RP1L1: variants seen among roughly 807,000 people sequenced by gnomAD.
The protein encoded by RP1L1 is retinitis pigmentosa 1-like 1 protein.
RP1L1 carries 27 observed loss-of-function variants against 15.7 expected under a neutral mutation model. The observed-to-expected ratio is 1.72, with a 90% CI of 1.27 to 2.38. The LOEUF (loss-of-function observed/expected upper bound fraction) is 2.38. RP1L1 is among the 30% of genes most tolerant of loss of function. The probability of loss-of-function intolerance (pLI) is 0.00; values close to 1 mark genes in which losing one functional copy is unlikely to be tolerated. For synonymous variants in RP1L1, 1,813 were observed against 1,276.7 expected (o/e 1.42, Z -8.96); for missense variants, 4,798 against 3,075.9 (o/e 1.56, Z -13.24).
chr8:10,631,372 CACACAA>C (rs1240098165), intron 1 of RP1L1, among the ~76,000 whole-genome samples: 1 of 38,126 alleles, frequency 2.6e-5, no homozygotes, highest in African/African-American at 9.0e-5. Context: ...AACACACATG[CACACAA>C]ACACACATGC....
chr8:10,612,454 C>A lies in RP1L1; in HGVS notation c.1644G>T (p.Trp548Cys). ...CTGGACAGCCCTGGGGCCGCCCACC[C>A]CATTCGCTGGATCCCTCATGAGAGC... ...STGSHEGSSE[W>C]GGRPQGCPGK... Residue 548 changes from tryptophan to cysteine, a missense_variant, in exon 4 of 4, where the codon TGG (tryptophan) becomes TGT (cysteine). Trp to Cys is a radical substitution (Grantham distance 215). Transcript: ENST00000382483. 6.2e-7 allele frequency: 1 copy of A among 1,612,758 alleles called. No individual in the cohort carries two copies. The highest frequency in any genetic ancestry group is 8.5e-7 in the Non-Finnish European group (1 of 1,180,008).
At position 10,609,751 on chromosome 8, in the gene RP1L1, T is replaced by C. The variant is rs1247488076; in HGVS notation, c.4347A>G (p.Glu1449=). 1 of 1,613,456 alleles carries C rather than the reference T, an allele frequency of 6.2e-7. No individual in the cohort carries two copies. Among genetic ancestry groups the C allele is most frequent in the African/African-American group, 1.3e-5 (1 of 74,990 alleles). The change falls in exon 4 of 4, where the codon GAA becomes GAG. Residue 1449 remains glutamate (E), a synonymous_variant. Coordinates refer to ENST00000382483, the MANE Select transcript of RP1L1 (RefSeq NM_178857.6). ...AEPCPAEGTE[E]PTEPPSHLSE... ...TGAGATGACTAGGGGGCTCTGTGGG[T>C]TCCTCTGTGCCCTCTGCGGGGCACG...
At chr8:10,631,370 TGCACACAAACACACATGCACACACAC>T (rs1434880693) in intron 1 of RP1L1, among the ~76,000 whole-genome samples, 1 of 21,758 alleles carries the variant, frequency 4.6e-5, no homozygotes, top group African/African-American at 1.7e-4. Context: ...CAAACACACA[TGCACACAAACACACATGCACACACAC>T]GCACACACAC....
intron 2 of RP1L1, among the ~76,000 whole-genome samples, chr8:10,620,570 C>A (rs975130103): frequency 7.9e-5 from 12 of 152,124 alleles, no homozygotes; most frequent in African/African-American, 2.9e-4. Flanking sequence ...CGCGCCACTG[C>A]ACCCCAGCCT....
intron 1 of RP1L1, among the ~76,000 whole-genome samples, chr8:10,646,876 G>A (rs953620779): frequency 3.9e-5 from 6 of 152,234 alleles, no homozygotes; most frequent in Admixed American, 6.5e-5. Flanking sequence ...AAGGCCTATT[G>A]TGTGTCCCCA....
intron 1 of RP1L1, among the ~76,000 whole-genome samples, chr8:10,636,516 C>T (rs1288623239): frequency 2.6e-5 from 4 of 152,192 alleles, no homozygotes; most frequent in African/African-American, 9.6e-5. Context: ...CCGCCTTCTT[C>T]CCTTCCCCCT....
At chr8:10,626,960 C>G (rs1440988283) in intron 1 of RP1L1, among the ~76,000 whole-genome samples, 2 of 152,090 alleles carry the variant, frequency 1.3e-5, no homozygotes, top group African/African-American at 4.8e-5. Context: ...CCACCTCACA[C>G]CATTAGAACG....
At chr8:10,618,954 G>A (rs1265248013) in intron 2 of RP1L1, among the ~76,000 whole-genome samples, 6 of 152,038 alleles carry the variant, frequency 3.9e-5, no homozygotes, top group African/African-American at 9.7e-5. Flanking sequence ...AGGTTCAACC[G>A]CCACCTCCCA....
intron 1 of RP1L1, among the ~76,000 whole-genome samples, chr8:10,652,371 C>A (rs60580119): frequency 0.028 from 4,209 of 152,260 alleles, 179 homozygotes; most frequent in African/African-American, 0.096. Context: ...GGGTTGGGGG[C>A]CTCCTCAGAA....
intron 1 of RP1L1, among the ~76,000 whole-genome samples, chr8:10,651,782 T>C (rs1339428080): frequency 2.0e-5 from 3 of 149,018 alleles, no homozygotes; most frequent in Admixed American, 2.0e-4. Flanking sequence ...AAAAAAGTTA[T>C]GCTCAGAGCT....
chr8:10,607,075 G>C lies in RP1L1; in HGVS notation c.7023C>G (p.Thr2341=). Residue 2341 remains threonine (T), a synonymous_variant, in exon 4 of 4, where the codon ACC becomes ACG. Transcript: ENST00000382483. ...AAGTAGAACTTTCTGGGTACATCCTGGTGGCCTTCCTCTCTGCATGAGGGG... is the reference window on the plus strand; with the variant it reads ...AAGTAGAACTTTCTGGGTACATCCTCGTGGCCTTCCTCTCTGCATGAGGGG... ...TGTPHAERKA[T]RMYPESSTSE... The C allele has an allele frequency of 6.2e-7, 1 of 1,614,156 alleles. No homozygotes were observed.
chr8:10,616,652 G>C (rs1325547712), intron 2 of RP1L1, 65 bp from the exon 3 acceptor site: 5 of 1,529,078 alleles, frequency 3.3e-6, no homozygotes, highest in African/African-American at 1.4e-5. Flanking sequence ...CTGAGGCCTG[G>C]GGGAGGAAGG....
chr8:10,611,391 G>A lies in RP1L1; in HGVS notation c.2707C>T (p.Pro903Ser). Residue 903 changes from proline to serine, a missense_variant, in exon 4 of 4, where the codon CCC (proline) becomes TCC (serine). Physicochemically the swap from Pro to Ser is moderately conservative, Grantham distance 74 (BLOSUM62 -1). Coordinates refer to ENST00000382483, the MANE Select transcript of RP1L1 (RefSeq NM_178857.6). ...RQPGPTPSPG[P>S]NSGASRRSSA... ...CTTCTCCTTGATGCCCCTGAATTGG[G>A]GCCTGGGGACGGCGTGGGGCCTGGC... The A allele has an allele frequency of 6.2e-7, 1 of 1,606,486 alleles. No homozygotes were observed. Among genetic ancestry groups the A allele is most frequent in the Non-Finnish European group, 8.5e-7 (1 of 1,177,988 alleles).
rs747367272 is a variant in RP1L1, at chr8:10,609,372, GCT to G, written c.4724_4725del (p.Glu1575AlafsTer10). 6.8e-6 allele frequency: 11 copies of G among 1,612,404 alleles called. No individual in the cohort carries two copies. Among genetic ancestry groups the G allele is most frequent in the African/African-American group, 1.3e-5 (1 of 74,928 alleles). The part of the protein sequence containing the change: ...AQRLQDSTKR[E>X]LQKLQGRAGR... Reference sequence around the variant, plus strand: ...CCCGCCCGGCCCTGGAGCTTCTGGAGCTCTCTCTTGGTGCTGTCCTGGAGGCG... The same window carrying G: ...CCCGCCCGGCCCTGGAGCTTCTGGAGCTCTCTTGGTGCTGTCCTGGAGGCG... On this transcript the variant is annotated frameshift_variant, in exon 4 of 4. Coordinates refer to ENST00000382483, the MANE Select transcript of RP1L1 (RefSeq NM_178857.6). LOFTEE classifies it low-confidence loss of function (END_TRUNC).
At chr8:10,637,792 G>A (rs866941550) in intron 1 of RP1L1, among the ~76,000 whole-genome samples, 53 of 152,188 alleles carry the variant, frequency 3.5e-4, no homozygotes, top group African/African-American at 1.3e-3. Flanking sequence ...AAGAGACGGG[G>A]GAAGTAGGAA....
chr8:10,626,230 T>A (rs1585984471), intron 1 of RP1L1, among the ~76,000 whole-genome samples: 1 of 138,028 alleles, frequency 7.2e-6, no homozygotes, highest in African/African-American at 2.5e-5. Context: ...AGGAACAGAG[T>A]GAATAGCGGG....
chr8:10,615,949 G>A (rs1006186771), intron 3 of RP1L1, among the ~76,000 whole-genome samples: 1 of 152,188 alleles, frequency 6.6e-6, no homozygotes, highest in South Asian at 2.1e-4. Context: ...CTGTCACCCA[G>A]GCTGGAGTGA....
chr8:10,653,370 G>T (rs1047302786), intron 1 of RP1L1, among the ~76,000 whole-genome samples: 9 of 152,038 alleles, frequency 5.9e-5, no homozygotes, highest in African/African-American at 1.9e-4. Flanking sequence ...CCCAGGAGCA[G>T]AGGAGCAGAG....
chr8:10,619,595 G>A (rs1216214578), intron 2 of RP1L1, among the ~76,000 whole-genome samples: 1 of 152,100 alleles, frequency 6.6e-6, no homozygotes, highest in African/African-American at 2.4e-5. Flanking sequence ...GAATCTCTAA[G>A]CATCAAACCC....
Sources: allele counts gnomAD v4.1 joint callset (sites outside exome capture counted in the v4.1 genomes callset), GRCh38; gene constraint gnomAD v4.1.1; transcripts MANE v1.5; gene names NCBI Gene and HGNC (gene_info 2026-07-23, HGNC 2026-07-21).